Variants in AOPEP observed in about 807,000 individuals in gnomAD.
AOPEP encodes aminopeptidase O (putative), also known as aminopeptidase O.
AOPEP carries 77 observed loss-of-function variants against 98.1 expected under a neutral mutation model. The observed-to-expected ratio is 0.78, with a 90% CI of 0.65 to 0.95. The LOEUF is 0.95. AOPEP is among the 40% of genes least tolerant of loss of function. AOPEP has a pLI of 0.00. For synonymous variants in AOPEP, 346 were observed against 365.3 expected, an observed-to-expected ratio of 0.95 and a Z score of 0.60; for missense variants, 1,024 against 1,024.7, an observed-to-expected ratio of 1.00 and a Z score of 0.01.
intron 16 of AOPEP, chr9:95,086,163 C>T: frequency 7.5e-7 from 1 of 1,335,550 alleles, no homozygotes; most frequent in Non-Finnish European, 9.9e-7. Flanking sequence ...CCACTCGCGG[C>T]AGACAGGCCC....
intron 11 of AOPEP, among the ~76,000 whole-genome samples, chr9:94,995,969 G>C (rs191394222): frequency 6.6e-6 from 1 of 152,282 alleles, no homozygotes. Flanking sequence ...CTGCTTGGCT[G>C]ATCAGTGCTG....
At chr9:95,121,276 C>T in the AOPEP span, among the ~76,000 whole-genome samples, 1 of 152,150 alleles carries the variant, frequency 6.6e-6, no homozygotes, top group Non-Finnish European at 1.5e-5. Flanking sequence ...TTTCTGCCTA[C>T]TGTCTGATAG....
intron 10 of AOPEP, among the ~76,000 whole-genome samples, chr9:94,973,232 G>A (rs1341576220): frequency 6.6e-6 from 1 of 152,184 alleles, no homozygotes; most frequent in Non-Finnish European, 1.5e-5. Flanking sequence ...GATCTCAAGA[G>A]CTGAAGACAG....
chr9:94,735,566 A>C (rs1831566748), intron 1 of AOPEP, among the ~76,000 whole-genome samples: 1 of 152,070 alleles, frequency 6.6e-6, no homozygotes, highest in Admixed American at 6.5e-5. Flanking sequence ...GCCCACCCCC[A>C]ACCTGCAACG....
chr9:95,123,271 TCCAG>T, the AOPEP span: 1 of 282,182 alleles, frequency 3.5e-6, no homozygotes, highest in Non-Finnish European at 6.9e-6. Context: ...ACCACTGCAC[TCCAG>T]CCTTGGTGGC....
chr9:94,739,644 C>CAAA (rs56210021), intron 1 of AOPEP, among the ~76,000 whole-genome samples: 1 of 79,410 alleles, frequency 1.3e-5, no homozygotes, highest in African/African-American at 4.4e-5. Flanking sequence ...AACTTCGTCT[C>CAAA]AAAAAAAAAA....
At chr9:94,979,933 T>TG (rs2060081601) in intron 11 of AOPEP, among the ~76,000 whole-genome samples, 1 of 152,200 alleles carries the variant, frequency 6.6e-6, no homozygotes, top group Admixed American at 6.5e-5. Context: ...GGTTCTGCAT[T>TG]GGGCTCCTGT....
chr9:95,079,453 T>C (rs73654506), intron 14 of AOPEP, among the ~76,000 whole-genome samples: 2,380 of 152,372 alleles, frequency 0.016, 62 homozygotes, highest in African/African-American at 0.054. Context: ...TAATCACTTC[T>C]ATGTATGGCT....
intron 5 of AOPEP, among the ~76,000 whole-genome samples, chr9:94,836,775 A>C (rs2134645187): frequency 6.6e-6 from 1 of 152,130 alleles, no homozygotes; most frequent in East Asian, 1.9e-4. Flanking sequence ...TTCTTTGTCT[A>C]ACTCCAGATC....
chr9:94,851,125 T>G (rs899904940), intron 5 of AOPEP, among the ~76,000 whole-genome samples: 2 of 152,228 alleles, frequency 1.3e-5, no homozygotes, highest in Non-Finnish European at 2.9e-5. Context: ...CCTTTCATTC[T>G]GTGAGAGGAA....
chr9:95,080,956 CTCAA>C, intron 15 of AOPEP, 176 bp downstream of exon 15: 2 of 609,756 alleles, frequency 3.3e-6, no homozygotes, highest in South Asian at 4.0e-5. Flanking sequence ...TTTTTCCTCT[CTCAA>C]TGTCTTTGAA....
At chr9:94,873,784 T>C (rs2046610956) in intron 5 of AOPEP, among the ~76,000 whole-genome samples, 1 of 152,206 alleles carries the variant, frequency 6.6e-6, no homozygotes, top group South Asian at 2.1e-4. Flanking sequence ...TATGATATTG[T>C]CTTATTCTTT....
chr9:94,955,452 AC>A (rs2058387137), intron 8 of AOPEP, among the ~76,000 whole-genome samples, 173 bp downstream of exon 8: 2 of 152,256 alleles, frequency 1.3e-5, no homozygotes, highest in Non-Finnish European at 1.5e-5. Context: ...AAAAAAGGAG[AC>A]CAAGTTAGGA....
chr9:95,041,143 A>G (rs1174996605), intron 13 of AOPEP, among the ~76,000 whole-genome samples: 9 of 151,964 alleles, frequency 5.9e-5, no homozygotes, highest in African/African-American at 2.2e-4. Flanking sequence ...TCTTTTTACT[A>G]CTTAGACATT....
At chr9:94,789,154 T>G (rs1040358824) in intron 3 of AOPEP, among the ~76,000 whole-genome samples, 5 of 152,242 alleles carry the variant, frequency 3.3e-5, no homozygotes, top group Non-Finnish European at 5.9e-5. Flanking sequence ...TAGCTTCCAG[T>G]ATTCTGCAGG....
intron 1 of AOPEP, among the ~76,000 whole-genome samples, chr9:94,757,194 T>G (rs1388428484): frequency 6.6e-6 from 1 of 152,232 alleles, no homozygotes; most frequent in Admixed American, 6.5e-5. Context: ...CTAATGATAC[T>G]TTGAGGTATG....
chr9:95,125,045 A>C, the AOPEP span: 1 of 1,528,610 alleles, frequency 6.5e-7, no homozygotes, highest in Non-Finnish European at 9.1e-7. Context: ...ACAGCGTCTT[A>C]TTCTCTGGGA....
the AOPEP span, among the ~76,000 whole-genome samples, chr9:95,102,688 G>A: frequency 6.6e-6 from 1 of 152,198 alleles, no homozygotes; most frequent in Admixed American, 6.5e-5. Flanking sequence ...GTTTTCCCAG[G>A]ACTATTCTGG....
intron 7 of AOPEP, among the ~76,000 whole-genome samples, chr9:94,929,768 G>A (rs1364964210): frequency 1.3e-5 from 2 of 152,340 alleles, no homozygotes; most frequent in East Asian, 1.9e-4. Flanking sequence ...GGTACCGGCC[G>A]GTCACAGGTG....
Sources: gnomAD v4.1 joint callset for allele counts (sites outside exome capture counted in the v4.1 genomes callset) on GRCh38, gnomAD v4.1.1 for gene constraint, MANE v1.5 for transcripts, NCBI Gene and HGNC (gene_info 2026-07-23, HGNC 2026-07-21) for gene names.